FBXO4: variants seen among roughly 807,000 people sequenced by gnomAD.
FBXO4 encodes the protein F-box protein 4.
Under a neutral mutation model 43.7 loss-of-function variants are expected in FBXO4, and 36 were observed. The ratio of observed to expected loss-of-function variants is 0.82; its 90% CI spans 0.63 to 1.09. The LOEUF (loss-of-function observed/expected upper bound fraction) is 1.09, where lower values mean the gene tolerates loss of function less well. Ranked by LOEUF, FBXO4 falls within the 50% of genes least tolerant of loss-of-function variation. FBXO4 has a pLI of 0.00. For synonymous variants in FBXO4, 180 were observed against 165.6 expected (o/e 1.09, Z -0.67); for missense variants, 435 against 474.1 (o/e 0.92, Z 0.77).
the FBXO4 span, among the ~76,000 whole-genome samples, chr5:42,019,595 G>A: frequency 2.6e-5 from 4 of 151,822 alleles, no homozygotes; most frequent in Non-Finnish European, 4.4e-5. Context: ...AGTTGAGACA[G>A]CAGAATTGCT....
At chr5:41,938,408 C>T (rs1221966924) in intron 5 of FBXO4, among the ~76,000 whole-genome samples, 1 of 152,060 alleles carries the variant, frequency 6.6e-6, no homozygotes, top group Non-Finnish European at 1.5e-5. Context: ...TTAAAAAACT[C>T]AGTCCAAAAG....
At chr5:42,038,360 C>T in the FBXO4 span, among the ~76,000 whole-genome samples, 5 of 152,106 alleles carry the variant, frequency 3.3e-5, no homozygotes, top group Admixed American at 2.0e-4. Context: ...ACGATTGTTT[C>T]CAATAAAGGG....
At chr5:42,037,715 A>T in the FBXO4 span, among the ~76,000 whole-genome samples, 2 of 152,090 alleles carry the variant, frequency 1.3e-5, no homozygotes, top group African/African-American at 2.4e-5. Context: ...ACTGGTCTGA[A>T]GGGCCACAGG....
chr5:41,925,750 C>CCCGATCGCCCTCAGGTTTT (rs1751470334), intron 1 of FBXO4, among the ~76,000 whole-genome samples: 1 of 152,130 alleles, frequency 6.6e-6, no homozygotes, highest in Admixed American at 6.5e-5. Flanking sequence ...TGGGGACCCT[C>CCCGATCGCCCTCAGGTTTT]CCGATCGCCC....
chr5:41,934,399 A>G (rs1192323045), intron 5 of FBXO4, 91 bp downstream of exon 5: 42 of 1,565,704 alleles, frequency 2.7e-5, no homozygotes, highest in Non-Finnish European at 3.5e-5. Flanking sequence ...CTTCTTAAGA[A>G]TATGATGGCT....
the FBXO4 span, among the ~76,000 whole-genome samples, chr5:41,992,443 T>C: frequency 6.6e-6 from 1 of 152,324 alleles, no homozygotes; most frequent in South Asian, 2.1e-4. Flanking sequence ...TTTTTACCCT[T>C]ACCTTCCATT....
the FBXO4 span, among the ~76,000 whole-genome samples, chr5:42,015,383 A>C: frequency 1.3e-5 from 2 of 152,136 alleles, no homozygotes; most frequent in Non-Finnish European, 2.9e-5. Context: ...TTCAGGGAGG[A>C]GTTGGCCCCT....
the FBXO4 span, among the ~76,000 whole-genome samples, chr5:42,025,554 C>T: frequency 6.6e-6 from 1 of 152,026 alleles, no homozygotes; most frequent in South Asian, 2.1e-4. Flanking sequence ...GATGCGATCC[C>T]ATTTATTCAT....
chr5:41,973,536 C>T, the FBXO4 span, among the ~76,000 whole-genome samples: 1,536 of 152,184 alleles, frequency 0.01, 74 homozygotes, highest in Admixed American at 0.073. Context: ...AAAAAACTAG[C>T]CAGATTTCAT....
the FBXO4 span, among the ~76,000 whole-genome samples, chr5:42,032,907 C>T: frequency 2.0e-5 from 3 of 152,282 alleles, no homozygotes; most frequent in African/African-American, 7.2e-5. Context: ...CTGGGTATCG[C>T]TGCTGGTTAT....
At chr5:41,987,861 A>G in the FBXO4 span, among the ~76,000 whole-genome samples, 2 of 152,164 alleles carry the variant, frequency 1.3e-5, no homozygotes, top group Non-Finnish European at 2.9e-5. Flanking sequence ...CTCTCCATAC[A>G]TTACTTGTCT....
chr5:41,996,512 A>G, the FBXO4 span, among the ~76,000 whole-genome samples: 2 of 152,210 alleles, frequency 1.3e-5, no homozygotes, highest in Non-Finnish European at 2.9e-5. Flanking sequence ...CTCAAGCACC[A>G]TTGGATCTGC....
the FBXO4 span, among the ~76,000 whole-genome samples, chr5:41,961,048 G>A: frequency 5.3e-5 from 8 of 151,876 alleles, no homozygotes; most frequent in African/African-American, 2.4e-5. Flanking sequence ...CTTACTTTAC[G>A]TGCTAATTTT....
the FBXO4 span, among the ~76,000 whole-genome samples, chr5:41,949,454 C>T: frequency 6.6e-6 from 1 of 152,258 alleles, no homozygotes; most frequent in East Asian, 1.9e-4. Flanking sequence ...TGAGTGAACT[C>T]CCATTCACAA....
the FBXO4 span, among the ~76,000 whole-genome samples, chr5:41,972,289 G>T: frequency 6.6e-6 from 1 of 152,046 alleles, no homozygotes; most frequent in African/African-American, 2.4e-5. Context: ...TAGTAGCGTT[G>T]CTATACACCA....
At chr5:41,945,771 G>C (rs1752068767), downstream of FBXO4, among the ~76,000 whole-genome samples, 1 of 152,116 alleles carries the variant, frequency 6.6e-6, no homozygotes, top group African/African-American at 2.4e-5. Flanking sequence ...TTAGGGTTAA[G>C]GCATACTCCC....
chr5:41,930,959 AACT>A (rs1366524055), intron 3 of FBXO4, among the ~76,000 whole-genome samples: 1 of 152,190 alleles, frequency 6.6e-6, no homozygotes, highest in Non-Finnish European at 1.5e-5. Context: ...CCCGGCGGAG[AACT>A]ACATTTCTAA....
chr5:41,957,771 T>G, the FBXO4 span, among the ~76,000 whole-genome samples: 1 of 152,070 alleles, frequency 6.6e-6, no homozygotes, highest in African/African-American at 2.4e-5. Flanking sequence ...GGATCACATT[T>G]TCTTCTTTCT....
the FBXO4 span, among the ~76,000 whole-genome samples, chr5:41,962,726 T>C: frequency 6.6e-6 from 1 of 152,176 alleles, no homozygotes; most frequent in Admixed American, 6.5e-5. Context: ...TCTCTTAGCA[T>C]TCCTACCCCG....
Sources: allele counts gnomAD v4.1 joint callset (sites outside exome capture counted in the v4.1 genomes callset), GRCh38; gene constraint gnomAD v4.1.1; transcripts MANE v1.5; gene names NCBI Gene and HGNC (gene_info 2026-07-23, HGNC 2026-07-21).